FBN1: variants seen among roughly 807,000 people sequenced by gnomAD.
The protein encoded by FBN1 is fibrillin 1.
FBN1 carries 29 observed loss-of-function variants against 365.1 expected under a neutral mutation model. That is an observed-to-expected ratio of 0.08 (90% CI 0.06 to 0.11). The LOEUF (loss-of-function observed/expected upper bound fraction) is 0.11. FBN1 is among the 10% of genes least tolerant of loss of function. The pLI is 1.00. For synonymous variants in FBN1, 1,210 were observed against 1,270.5 expected, an observed-to-expected ratio of 0.95 and a Z score of 1.01; for missense variants, 2,476 against 3,703.2, an observed-to-expected ratio of 0.67 and a Z score of 8.60.
chr15:48,502,277 C>T (rs964830089), intron 17 of FBN1, among the ~76,000 whole-genome samples: 3 of 152,178 alleles, frequency 2.0e-5, no homozygotes, highest in African/African-American at 2.4e-5. Context: ...AACTCCTAAC[C>T]TCAAGTGATA....
intron 6 of FBN1, among the ~76,000 whole-genome samples, chr15:48,578,061 T>C (rs1020597698): frequency 2.6e-5 from 4 of 152,150 alleles, no homozygotes; most frequent in Admixed American, 2.0e-4. Flanking sequence ...AAATTGAAGA[T>C]TGGCATATGT....
intron 6 of FBN1, among the ~76,000 whole-genome samples, chr15:48,539,282 T>C (rs934943436): frequency 2.0e-5 from 3 of 152,164 alleles, no homozygotes; most frequent in African/African-American, 7.2e-5. Flanking sequence ...CTGATGCCCA[T>C]GCTGTAAGAT....
chr15:48,456,837 T>TGCGA, intron 43 of FBN1, 75 bp from the exon 44 acceptor site: 1 of 1,329,876 alleles, frequency 7.5e-7, no homozygotes, highest in Non-Finnish European at 1.0e-6. Flanking sequence ...AGATGGAAAG[T>TGCGA]GCGTGCGTGT....
At chr15:48,455,183 T>C (rs967921955) in intron 44 of FBN1, among the ~76,000 whole-genome samples, 1 of 152,228 alleles carries the variant, frequency 6.6e-6, no homozygotes, top group Non-Finnish European at 1.5e-5. Flanking sequence ...TGAAGACGGA[T>C]ATTCTGTGAA....
chr15:48,607,373 TA>T (rs1464116564), intron 4 of FBN1, among the ~76,000 whole-genome samples: 4 of 147,290 alleles, frequency 2.7e-5, no homozygotes, highest in African/African-American at 7.4e-5. Flanking sequence ...TATACATATA[TA>T]TATATATATA....
At chr15:48,472,953 G>T (rs1233161359) in intron 34 of FBN1, among the ~76,000 whole-genome samples, 1 of 152,180 alleles carries the variant, frequency 6.6e-6, no homozygotes, top group Non-Finnish European at 1.5e-5. Context: ...CATCCGCATG[G>T]AGGGCACACC....
intron 60 of FBN1, among the ~76,000 whole-genome samples, chr15:48,423,116 T>C (rs2042955590): frequency 6.6e-6 from 1 of 152,200 alleles, no homozygotes; most frequent in African/African-American, 2.4e-5. Flanking sequence ...TATTTCAAAA[T>C]ACCAAGAGAT....
Position 48,487,424 on chromosome 15 carries a change from A to G in FBN1, c.3351T>C (p.Cys1117=). The change falls in exon 28 of 66, where the codon TGT becomes TGC. Residue 1117 remains cysteine, a synonymous_variant. Transcript: ENST00000316623. ...MMKNCMDIDE[C]QRDPLLCRGG... ...CTCGGCATAGGAGAGGATCTCTCTG[A>G]CACTCATCAATATCTGCAAAATGGA... 6.2e-7 allele frequency: 1 copy of G among 1,614,042 alleles called. No individual in the cohort carries two copies. The highest frequency in any genetic ancestry group is 8.5e-7 in the Non-Finnish European group (1 of 1,179,998).
At chr15:48,451,966 A>C (rs1239542489) in intron 45 of FBN1, among the ~76,000 whole-genome samples, 1 of 152,244 alleles carries the variant, frequency 6.6e-6, no homozygotes, top group Non-Finnish European at 1.5e-5. Flanking sequence ...AAAAAAATCT[A>C]ATCTCTAGGG....
chr15:48,552,588 G>C (rs1481007329), intron 6 of FBN1, among the ~76,000 whole-genome samples: 1 of 152,008 alleles, frequency 6.6e-6, no homozygotes, highest in African/African-American at 2.4e-5. Context: ...TTTTTGAGCA[G>C]TGGAATCACC....
At chr15:48,435,790 GTGTGTGTGTGTGTGTGTGTGTA>G (rs1566895734) in intron 53 of FBN1, among the ~76,000 whole-genome samples, 6 of 105,878 alleles carry the variant, frequency 5.7e-5, no homozygotes, top group African/African-American at 3.6e-4. Context: ...GTGTGTGTGT[GTGTGTGTGTGTGTGTGTGTGTA>G]TATATGCCTT....
In FBN1 at chr15:48,600,134, C is replaced by G; in HGVS notation, c.442+5G>C. The G allele has an allele frequency of 1.3e-6, 2 of 1,597,096 alleles. No homozygotes were observed. The highest frequency in any genetic ancestry group is 1.7e-6 in the Non-Finnish European group (2 of 1,164,482). ...CTAGAATACTTATAACTACAGTGTA[C>G]TTACGTTGTCCACAGTGAGTCCCTA... On this transcript the variant is annotated splice_donor_5th_base_variant and intron_variant, in intron 5 of 65. Coordinates refer to ENST00000316623, the MANE Select transcript of FBN1 (RefSeq NM_000138.5).
chr15:48,495,973 C>A, intron 20 of FBN1, 127 bp downstream of exon 20: 1 of 1,240,184 alleles, frequency 8.1e-7, no homozygotes, highest in Non-Finnish European at 1.2e-6. Context: ...CATGTAGAAC[C>A]ACAGAATTTC....
intron 6 of FBN1, among the ~76,000 whole-genome samples, chr15:48,572,447 A>T (rs958570692): frequency 6.6e-6 from 1 of 152,094 alleles, no homozygotes; most frequent in Non-Finnish European, 1.5e-5. Context: ...AGACTGTCAC[A>T]AAATCACTGA....
chr15:48,481,322 C>T (rs1031510630), intron 32 of FBN1, among the ~76,000 whole-genome samples: 4 of 152,050 alleles, frequency 2.6e-5, no homozygotes, highest in Non-Finnish European at 5.9e-5. Flanking sequence ...AGGCTTGCTT[C>T]GGTGAAGGGC....
intron 8 of FBN1, among the ~76,000 whole-genome samples, chr15:48,532,327 G>A (rs934393194): frequency 1.3e-5 from 2 of 152,168 alleles, no homozygotes; most frequent in Non-Finnish European, 2.9e-5. Context: ...ATATTAAACT[G>A]AGAAAGCCTA....
intron 2 of FBN1, among the ~76,000 whole-genome samples, chr15:48,639,296 T>C (rs1890156041): frequency 6.6e-6 from 1 of 152,232 alleles, no homozygotes; most frequent in Admixed American, 6.5e-5. Context: ...AGAGTGGCTA[T>C]GAGGATTCAA....
At chr15:48,626,501 A>G (rs1288136979) in intron 2 of FBN1, among the ~76,000 whole-genome samples, 1 of 152,190 alleles carries the variant, frequency 6.6e-6, no homozygotes, top group Non-Finnish European at 1.5e-5. Flanking sequence ...AGCAGTCAAC[A>G]GGCCATGGAT....
At chr15:48,544,937 A>C (rs1353408288) in intron 6 of FBN1, among the ~76,000 whole-genome samples, 1 of 152,186 alleles carries the variant, frequency 6.6e-6, no homozygotes, top group Non-Finnish European at 1.5e-5. Flanking sequence ...AATCATACAG[A>C]ATACTTTCAT....
Sources: allele counts gnomAD v4.1 joint callset (sites outside exome capture counted in the v4.1 genomes callset), GRCh38; gene constraint gnomAD v4.1.1; transcripts MANE v1.5; gene names NCBI Gene and HGNC (gene_info 2026-07-23, HGNC 2026-07-21).